CDH13: variants seen among roughly 807,000 people sequenced by gnomAD.
The protein encoded by CDH13 is cadherin-13.
CDH13 carries 24 observed loss-of-function variants against 63.8 expected under a neutral mutation model. The observed-to-expected ratio is 0.38, with a 90% CI of 0.27 to 0.53. The LOEUF (loss-of-function observed/expected upper bound fraction) is 0.53. Ranked by LOEUF, CDH13 falls within the 20% of genes least tolerant of loss-of-function variation. The pLI, the probability that CDH13 is intolerant of heterozygous loss-of-function variation, is 0.85. For missense variants in CDH13, 1,049 were observed against 903.1 expected (o/e 1.16, Z -2.07); for synonymous variants, 503 against 355.3 (o/e 1.42, Z -4.67).
intron 7 of CDH13, among the ~76,000 whole-genome samples, chr16:83,499,404 G>C (rs1471533450): frequency 1.3e-5 from 2 of 152,248 alleles, no homozygotes; most frequent in African/African-American, 4.8e-5. Flanking sequence ...CAGTGTCTGA[G>C]ATGACCGTCT....
intron 2 of CDH13, among the ~76,000 whole-genome samples, chr16:82,951,397 T>C (rs1421001371): frequency 6.6e-6 from 1 of 152,160 alleles, no homozygotes; most frequent in African/African-American, 2.4e-5. Context: ...ATACAAGAAA[T>C]GGGTCCTGAT....
intron 1 of CDH13, among the ~76,000 whole-genome samples, chr16:82,759,852 C>T (rs1381798172): frequency 6.6e-6 from 1 of 152,078 alleles, no homozygotes; most frequent in Non-Finnish European, 1.5e-5. Flanking sequence ...CCTCTGTTGC[C>T]ATAATTCAGC....
chr16:83,716,011 G>A (rs1598563364), intron 10 of CDH13, among the ~76,000 whole-genome samples: 1 of 152,200 alleles, frequency 6.6e-6, no homozygotes, highest in East Asian at 1.9e-4. Flanking sequence ...TACCTTTAAT[G>A]TCATCTTCTT....
At chr16:83,754,959 A>G (rs1913387295) in intron 11 of CDH13, among the ~76,000 whole-genome samples, 1 of 152,188 alleles carries the variant, frequency 6.6e-6, no homozygotes, top group Admixed American at 6.5e-5. Flanking sequence ...TTACAGTTTT[A>G]TAAAAATTAC....
chr16:83,484,140 T>G (rs2073834463), intron 6 of CDH13, among the ~76,000 whole-genome samples: 1 of 152,240 alleles, frequency 6.6e-6, no homozygotes, highest in Non-Finnish European at 1.5e-5. Flanking sequence ...GTTGTTTATC[T>G]GATCAATCAG....
At chr16:82,859,011 C>G (rs939586674) in intron 2 of CDH13, 2 of 153,522 alleles carry the variant, frequency 1.3e-5, no homozygotes, top group East Asian at 1.9e-4. Context: ...TCAACTCATC[C>G]TGAATTCCAA....
chr16:83,125,450 C>A lies in CDH13; in HGVS notation c.432C>A (p.Pro144=), dbSNP rs1416076141. The A allele has an allele frequency of 1.2e-6, 2 of 1,612,316 alleles. No individual in the cohort carries two copies. Among genetic ancestry groups the A allele is most frequent in the Middle Eastern group, 1.7e-4 (1 of 6,058 alleles). Residue 144 remains proline (P), a synonymous_variant, in exon 4 of 14, where the codon CCC becomes CCA. Coordinates refer to ENST00000567109, the MANE Select transcript of CDH13 (RefSeq NM_001257.5). ...PRQKRSIVVS[P]ILIPENQRQP... ...AAAAGAGGTCCATTGTGGTATCTCC[C>A]ATTTTAATTCCAGAGAATCAGAGAC... is the stretch of plus-strand genomic sequence containing the variant.
chr16:83,454,097 C>T (rs1374128604), intron 6 of CDH13, among the ~76,000 whole-genome samples: 1 of 152,146 alleles, frequency 6.6e-6, no homozygotes, highest in Admixed American at 6.5e-5. Flanking sequence ...CTGCATGTTC[C>T]GTGAAACACT....
At chr16:83,627,610 G>C (rs9929436) in intron 8 of CDH13, among the ~76,000 whole-genome samples, 50,082 of 151,900 alleles carry the variant, frequency 0.33, 8,307 homozygotes, top group South Asian at 0.4. Flanking sequence ...GAGTGCAGTG[G>C]TGCAATCTCA....
chr16:83,579,792 G>C (rs529398000), intron 7 of CDH13, among the ~76,000 whole-genome samples: 32 of 151,906 alleles, frequency 2.1e-4, no homozygotes, highest in African/African-American at 7.5e-4. Flanking sequence ...TGATAAGTCA[G>C]ATATTATGTT....
rs139968316 is a variant in CDH13, at chr16:83,312,272, T to C, written c.637-32590T>C. ...GGACCAGCTCACAGTACTGCTCTTA[T>C]GTGAGCTGCTCAGAGTTCTGTGATT... On this transcript the variant is annotated intron_variant, in intron 5 of 13. Transcript: ENST00000567109. 2.8e-3 allele frequency among the ~76,000 whole-genome samples: 428 copies of C among 152,214 alleles called. 4 individuals carry two copies. The highest frequency in any genetic ancestry group is 4.9e-3 in the Non-Finnish European group (332 of 67,994).
chr16:82,676,917 C>T (rs1043352233), intron 1 of CDH13, among the ~76,000 whole-genome samples: 6 of 148,450 alleles, frequency 4.0e-5, no homozygotes, highest in Non-Finnish European at 9.1e-5. Context: ...CGGAGTCTCA[C>T]TCTGTCACCA....
At chr16:83,564,970 A>G (rs1021334046) in intron 7 of CDH13, among the ~76,000 whole-genome samples, 3 of 152,192 alleles carry the variant, frequency 2.0e-5, no homozygotes, top group Non-Finnish European at 4.4e-5. Context: ...AGTTAGAAGC[A>G]GTGTCATTCA....
intron 1 of CDH13, among the ~76,000 whole-genome samples, chr16:82,700,951 A>ACCCCCCCCCCCCCCCCCCCCC (rs1287553502): frequency 2.2e-4 from 3 of 13,834 alleles, no homozygotes; most frequent in Non-Finnish European, 4.1e-4. Context: ...AAGTGCTGGA[A>ACCCCCCCCCCCCCCCCCCCCC]CCCGCCCCCC....
At chr16:83,129,090 C>T (rs1220210688) in intron 4 of CDH13, among the ~76,000 whole-genome samples, 2 of 152,098 alleles carry the variant, frequency 1.3e-5, no homozygotes, top group Non-Finnish European at 2.9e-5. Flanking sequence ...GTCTTATCCT[C>T]ATCAACTCCA....
At chr16:82,995,528 A>T (rs778942179) in intron 2 of CDH13, among the ~76,000 whole-genome samples, 3 of 152,178 alleles carry the variant, frequency 2.0e-5, no homozygotes, top group Non-Finnish European at 4.4e-5. Flanking sequence ...AACAGGATGC[A>T]TCCCCAATAC....
intron 7 of CDH13, among the ~76,000 whole-genome samples, chr16:83,532,218 C>G (rs559073240): frequency 2.6e-5 from 4 of 152,264 alleles, no homozygotes; most frequent in African/African-American, 7.2e-5. Context: ...GCATATTGCC[C>G]AGTCTCAGGT....
At chr16:83,229,455 C>T (rs1396710673) in intron 5 of CDH13, among the ~76,000 whole-genome samples, 1 of 151,988 alleles carries the variant, frequency 6.6e-6, no homozygotes, top group Non-Finnish European at 1.5e-5. Flanking sequence ...AATTTCCATG[C>T]CAAGTAAATA....
intron 4 of CDH13, among the ~76,000 whole-genome samples, chr16:83,135,938 A>G (rs1034514122): frequency 3.0e-4 from 46 of 152,292 alleles, no homozygotes; most frequent in East Asian, 1.2e-3. Flanking sequence ...ACCAAACATC[A>G]TATGTCCCCA....
Sources: allele counts gnomAD v4.1 joint callset (sites outside exome capture counted in the v4.1 genomes callset), GRCh38; gene constraint gnomAD v4.1.1; transcripts MANE v1.5; gene names NCBI Gene and HGNC (gene_info 2026-07-23, HGNC 2026-07-21).